Variants in PTPRE observed in about 807,000 individuals in gnomAD.
PTPRE encodes protein tyrosine phosphatase receptor type E.
A neutral mutation model predicts 102.0 loss-of-function variants in PTPRE; 51 were observed. That is an observed-to-expected ratio of 0.50 (90% confidence interval 0.40 to 0.63). The LOEUF (loss-of-function observed/expected upper bound fraction) is 0.63. PTPRE is among the 30% of genes least tolerant of loss of function. The pLI is 0.00. For synonymous variants in PTPRE, 345 were observed against 348.2 expected (o/e 0.99, Z 0.10); for missense variants, 752 against 915.1 (o/e 0.82, Z 2.30).
chr10:128,022,705 A>G (rs915509420), intron 2 of PTPRE, among the ~76,000 whole-genome samples: 2 of 152,222 alleles, frequency 1.3e-5, no homozygotes, highest in South Asian at 4.1e-4. Flanking sequence ...CACACAGCGC[A>G]GTGGATGGCC....
rs1329335793 is a variant in PTPRE, at chr10:127,944,942, C to T, written c.-30-37332C>T. On this transcript the variant is annotated intron_variant, in intron 1 of 20. Coordinates refer to ENST00000254667, the MANE Select transcript of PTPRE (RefSeq NM_006504.6). The surrounding 1 kb of genome is among the most constrained non-coding windows in gnomAD (Gnocchi z 4.2). ...AGAGGGCGGCATCTAGAGTGACCCC[C>T]AGTGGGCTGGACAGCTGGGGGGATG... Among the ~76,000 whole-genome samples, 1 of 152,088 alleles carries T rather than the reference C, an allele frequency of 6.6e-6. No homozygotes were observed.
rs1244321768 is a variant in PTPRE, at chr10:128,008,975, A to AT, written c.-8+26680dup. On this transcript the variant is annotated intron_variant, in intron 2 of 20. Transcript: ENST00000254667. The surrounding 1 kb of genome is among the most constrained non-coding windows in gnomAD (Gnocchi z 4.0). The stretch of plus-strand genomic sequence containing the variant: ...GGCTGGGTTACTTTGTTTCCTGCAA[A>AT]TCTTACCAGGAGTGCACCTTGTCAG... Among the ~76,000 whole-genome samples, 3 of 152,162 alleles carry AT rather than the reference A, an allele frequency of 2.0e-5. No individual in the cohort carries two copies. The highest frequency in any genetic ancestry group is 4.4e-5 in the Non-Finnish European group (3 of 68,038).
chr10:128,079,735 A>G, intron 20 of PTPRE, 40 bp downstream of exon 20: 1 of 1,582,716 alleles, frequency 6.3e-7, no homozygotes, highest in Non-Finnish European at 8.7e-7. Context: ...AGAGTGGAGA[A>G]TTATTTCATG....
intron 2 of PTPRE, among the ~76,000 whole-genome samples, chr10:128,005,896 C>T (rs971660429): frequency 2.6e-5 from 4 of 152,244 alleles, no homozygotes; most frequent in Non-Finnish European, 4.4e-5. Flanking sequence ...CATTGGGTCC[C>T]GCAGTCCCTG....
intron 2 of PTPRE, chr10:127,987,301 T>C (rs1476757658): frequency 1.6e-6 from 2 of 1,250,384 alleles, no homozygotes; most frequent in East Asian, 5.7e-5. Context: ...AGTTCAAAGT[T>C]GGAATTCTTC....
chr10:127,937,261 A>G (rs1043799317), intron 1 of PTPRE, among the ~76,000 whole-genome samples: 1 of 152,222 alleles, frequency 6.6e-6, no homozygotes, highest in African/African-American at 2.4e-5. Flanking sequence ...GAAGAAAAAA[A>G]GGGCATCTCT....
intron 2 of PTPRE, among the ~76,000 whole-genome samples, chr10:127,983,954 T>C (rs1160651434): frequency 6.6e-6 from 1 of 152,184 alleles, no homozygotes; most frequent in Non-Finnish European, 1.5e-5. Flanking sequence ...TCACTGAACG[T>C]GTGTGCAGGA....
chr10:128,066,573 C>T (rs937060802), intron 11 of PTPRE, among the ~76,000 whole-genome samples: 3 of 152,202 alleles, frequency 2.0e-5, no homozygotes, highest in African/African-American at 7.2e-5. Flanking sequence ...TGTCTGAAAC[C>T]TCCTCGTTAT....
At chr10:127,981,166 A>T (rs1034924062) in intron 1 of PTPRE, among the ~76,000 whole-genome samples, 1 of 152,234 alleles carries the variant, frequency 6.6e-6, no homozygotes, top group African/African-American at 2.4e-5. Context: ...ATAGGGATAA[A>T]TCTCAAAAAA....
chr10:127,947,567 A>C (rs1848715065), intron 1 of PTPRE, among the ~76,000 whole-genome samples: 1 of 152,148 alleles, frequency 6.6e-6, no homozygotes, highest in Admixed American at 6.5e-5. Flanking sequence ...ACAAATTTTC[A>C]CAATGTTTAA....
At chr10:127,989,496 GA>G in intron 2 of PTPRE, among the ~76,000 whole-genome samples, 1 of 152,302 alleles carries the variant, frequency 6.6e-6, no homozygotes, top group East Asian at 1.9e-4. Context: ...TTAAAGAGGG[GA>G]AAACAGAGAC....
At chr10:127,975,334 C>T (rs117146713) in intron 1 of PTPRE, among the ~76,000 whole-genome samples, 6,175 of 152,260 alleles carry the variant, frequency 0.041, 208 homozygotes, top group Admixed American at 0.09. Context: ...TCTTCTTATC[C>T]GTGCCAATCT....
In PTPRE at chr10:128,056,799, C is replaced by T. The variant is rs61216088; in HGVS notation, c.511+586C>T. Among the ~76,000 whole-genome samples the T allele has an allele frequency of 8.2e-3, 1,237 of 151,350 alleles. 64 individuals are homozygous for T. In the East Asian group the frequency reaches 0.15, roughly 18 times the overall value. On this transcript the variant is annotated intron_variant, in intron 7 of 20. Coordinates refer to ENST00000254667, the MANE Select transcript of PTPRE (RefSeq NM_006504.6). ...GGAGGTGGCAGGGCCAGAGAGCAGA[C>T]GGATGTGTGCGGGGGTGCGTCTCGG...
intron 2 of PTPRE, among the ~76,000 whole-genome samples, chr10:128,007,103 C>T (rs80339810): frequency 0.01 from 1,550 of 152,264 alleles, 35 homozygotes; most frequent in Middle Eastern, 0.054. Flanking sequence ...TTCTCTCTCT[C>T]TCTTTTTTTT....
chr10:128,080,554 C>T (rs1851615312), intron 20 of PTPRE, among the ~76,000 whole-genome samples: 1 of 152,208 alleles, frequency 6.6e-6, no homozygotes, highest in Non-Finnish European at 1.5e-5. Context: ...ACAGAGCTTC[C>T]CCTAGTCTTT....
At chr10:128,003,238 C>T (rs944626324) in intron 2 of PTPRE, among the ~76,000 whole-genome samples, 2 of 152,150 alleles carry the variant, frequency 1.3e-5, no homozygotes, top group South Asian at 2.1e-4. Flanking sequence ...CACGCCTGCA[C>T]GTGAGTGGGC....
At chr10:127,941,560 A>T (rs1371960007) in intron 1 of PTPRE, among the ~76,000 whole-genome samples, 2 of 152,248 alleles carry the variant, frequency 1.3e-5, no homozygotes, top group Non-Finnish European at 2.9e-5. Context: ...TTTTGTGTGA[A>T]ATGCTACAAT....
At chr10:127,979,234 T>C (rs1851422992) in intron 1 of PTPRE, among the ~76,000 whole-genome samples, 2 of 152,150 alleles carry the variant, frequency 1.3e-5, no homozygotes. Flanking sequence ...AAGGATGTTG[T>C]GTCAGCTTCT....
At chr10:128,051,799 C>T (rs552106126) in intron 6 of PTPRE, among the ~76,000 whole-genome samples, 3 of 152,154 alleles carry the variant, frequency 2.0e-5, no homozygotes, top group Non-Finnish European at 4.4e-5. Flanking sequence ...GACCCAAAGT[C>T]AGGATCACGG....
Sources: allele counts gnomAD v4.1 joint callset (sites outside exome capture counted in the v4.1 genomes callset), GRCh38; gene constraint gnomAD v4.1.1; non-coding constraint Gnocchi (gnomAD v3.1); transcripts MANE v1.5; gene names NCBI Gene and HGNC (gene_info 2026-07-23, HGNC 2026-07-21).